TRIM4: variants seen among roughly 807,000 people sequenced by gnomAD.
TRIM4 encodes tripartite motif containing 4.
In TRIM4, 29 loss-of-function variants were observed where a neutral mutation model predicts 33.7. The ratio of observed to expected loss-of-function variants is 0.86; its 90% confidence interval spans 0.64 to 1.17. The LOEUF (loss-of-function observed/expected upper bound fraction) is 1.17, where lower values mean the gene tolerates loss of function less well. TRIM4 is among the 50% of genes most tolerant of loss of function. The pLI is 0.00. For synonymous variants in TRIM4, 224 were observed against 233.0 expected (o/e 0.96, Z 0.35); for missense variants, 554 against 593.7 (o/e 0.93, Z 0.69).
chr7:99,899,723 A>G (rs1180657915), intron 5 of TRIM4, among the ~76,000 whole-genome samples: 2 of 152,120 alleles, frequency 1.3e-5, no homozygotes, highest in African/African-American at 4.8e-5. Flanking sequence ...AACCAAAAGG[A>G]TATATATGTC....
At chr7:99,896,988 T>C (rs762238470) in intron 5 of TRIM4, among the ~76,000 whole-genome samples, 1 of 152,204 alleles carries the variant, frequency 6.6e-6, no homozygotes, top group Admixed American at 6.5e-5. Context: ...TAGGGAGATA[T>C]TAGCTCAGGC....
rs2151641719 is a variant in TRIM4 at position 99,896,043 on chromosome 7, T to G, written c.842-3297A>C. On this transcript the variant is annotated intron_variant, in intron 5 of 5. Transcript: ENST00000349062. The stretch of plus-strand genomic sequence containing the variant: ...GTGATTATTAGTATGATTAGATTTG[T>G]GTCTATTATTTTGCTGTTTTCTATT... 3.3e-5 allele frequency among the ~76,000 whole-genome samples: 5 copies of G among 152,280 alleles called. No individual in the cohort carries two copies. The Middle Eastern group carries it at 0.017, about 518-fold the overall frequency.
chr7:99,893,661 T>C (rs1421500417), intron 5 of TRIM4, among the ~76,000 whole-genome samples: 1 of 152,192 alleles, frequency 6.6e-6, no homozygotes, highest in Non-Finnish European at 1.5e-5. Flanking sequence ...AAATCTTTAT[T>C]TTCGACTCTT....
intron 1 of TRIM4, among the ~76,000 whole-genome samples, chr7:99,918,524 C>T (rs1819611913): frequency 6.6e-6 from 1 of 151,004 alleles, no homozygotes; most frequent in Non-Finnish European, 1.5e-5. Flanking sequence ...AAGATCACGC[C>T]ACTGTGCTCC....
At position 99,892,546 on chromosome 7, in the gene TRIM4, C is replaced by G; in HGVS notation, c.1042G>C (p.Val348Leu). 6.2e-7 allele frequency: 1 copy of G among 1,614,180 alleles called. No individual in the cohort carries two copies. The highest frequency in any genetic ancestry group is 8.5e-7 in the Non-Finnish European group (1 of 1,180,028). The change falls in exon 6 of 6, where the codon GTT becomes CTT. Residue 348 changes from valine to leucine, a missense_variant. Physicochemically the swap from Val to Leu is conservative, Grantham distance 32 (BLOSUM62 1). Coordinates refer to ENST00000349062, the MANE Select transcript of TRIM4 (RefSeq NM_033091.3). The part of the protein sequence containing the change: ...QHLPCVLGKN[V>L]FTSGKHYWEV... Reference sequence around the variant, plus strand: ...CAGTAATGTTTCCCTGAGGTGAAAACGTTTTTTCCCAGAACACAGGGTAAG... The same window carrying G: ...CAGTAATGTTTCCCTGAGGTGAAAAGGTTTTTTCCCAGAACACAGGGTAAG...
intron 1 of TRIM4, 117 bp downstream of exon 1, chr7:99,918,892 G>T: frequency 7.8e-7 from 1 of 1,280,326 alleles, no homozygotes; most frequent in Non-Finnish European, 1.0e-6. Flanking sequence ...AGTTTCAGGG[G>T]CTTTTCATGC....
intron 1 of TRIM4, among the ~76,000 whole-genome samples, chr7:99,911,685 A>G (rs1819445304): frequency 6.6e-6 from 1 of 152,246 alleles, no homozygotes; most frequent in African/African-American, 2.4e-5. Flanking sequence ...TGGAACTCTT[A>G]CACAACATTA....
intron 1 of TRIM4, among the ~76,000 whole-genome samples, chr7:99,916,219 A>C (rs1819552392): frequency 6.6e-6 from 1 of 151,934 alleles, no homozygotes; most frequent in Non-Finnish European, 1.5e-5. Flanking sequence ...TTTCCCTTCC[A>C]TTTATCTGAT....
At chr7:99,916,844 TGAAAGA>T in intron 1 of TRIM4, 1 of 765,278 alleles carries the variant, frequency 1.3e-6, no homozygotes, top group Non-Finnish European at 2.4e-6. Flanking sequence ...CCCCACTGCC[TGAAAGA>T]GAAAGTTCAA....
chr7:99,912,831 C>T (rs1283454854), intron 1 of TRIM4, among the ~76,000 whole-genome samples: 2 of 152,262 alleles, frequency 1.3e-5, no homozygotes, highest in African/African-American at 2.4e-5. Context: ...TCATACAGTT[C>T]TGTTAAATGG....
At chr7:99,911,196 C>G (rs1399057307) in intron 1 of TRIM4, among the ~76,000 whole-genome samples, 1 of 152,052 alleles carries the variant, frequency 6.6e-6, no homozygotes, top group Admixed American at 6.6e-5. Flanking sequence ...CTTGGGTGAG[C>G]GTAAAATCAC....
intron 2 of TRIM4, 62 bp from the exon 3 acceptor site, chr7:99,908,874 A>C: frequency 6.8e-7 from 1 of 1,469,946 alleles, no homozygotes. Context: ...TAAATTCCTT[A>C]CACAATTCCC....
chr7:99,903,521 A>C, intron 4 of TRIM4, 55 bp downstream of exon 4: 1 of 1,610,040 alleles, frequency 6.2e-7, no homozygotes. Flanking sequence ...CCCTCTGCTC[A>C]GCCTGTATCT....
chr7:99,907,627 T>C (rs756369331), intron 3 of TRIM4, among the ~76,000 whole-genome samples: 35 of 152,228 alleles, frequency 2.3e-4, no homozygotes, highest in Non-Finnish European at 4.8e-4. Context: ...TGTAAAACTT[T>C]TACATAATTC....
chr7:99,909,729 G>GTTTTTT (rs58242927), intron 1 of TRIM4, 69 bp from the exon 2 acceptor site: 21 of 725,134 alleles, frequency 2.9e-5, no homozygotes, highest in South Asian at 1.0e-4. Flanking sequence ...TTTTCTTTTT[G>GTTTTTT]TTTTTTTTTT....
rs1819636974 is a variant in TRIM4 at position 99,919,302 on chromosome 7, C to T, written c.100G>A (p.Gly34Ser). Residue 34 changes from glycine (G) to serine (S), a missense_variant, in exon 1 of 6, where the codon GGC becomes AGC. By Grantham distance (56) the Gly-to-Ser change is moderately conservative. Transcript: ENST00000349062. ...GGCGCCCAGTTGCGGTGCAGGCAGCCGCGGCAGAAGTTGTGGCCGCACTCG... is the reference window on the plus strand; with the variant it reads ...GGCGCCCAGTTGCGGTGCAGGCAGCTGCGGCAGAAGTTGTGGCCGCACTCG... The part of the protein sequence containing the change: ...SIECGHNFCR[G>S]CLHRNWAPGG... 1.3e-6 allele frequency: 2 copies of T among 1,556,884 alleles called. No individual in the cohort carries two copies. Among genetic ancestry groups the T allele is most frequent in the Non-Finnish European group, 1.7e-6 (2 of 1,151,964 alleles).
intron 3 of TRIM4, among the ~76,000 whole-genome samples, chr7:99,905,312 A>G (rs895215847): frequency 6.6e-6 from 1 of 152,202 alleles, no homozygotes; most frequent in African/African-American, 2.4e-5. Flanking sequence ...GTTTGGAATC[A>G]TCTACTAAAG....
intron 5 of TRIM4, among the ~76,000 whole-genome samples, chr7:99,898,760 T>C (rs1340458520): frequency 6.6e-6 from 1 of 152,216 alleles, no homozygotes; most frequent in Non-Finnish European, 1.5e-5. Context: ...TCTTAACTGC[T>C]GCCCTGGGTG....
intron 5 of TRIM4, among the ~76,000 whole-genome samples, chr7:99,899,640 A>C (rs1323586895): frequency 6.6e-6 from 1 of 152,168 alleles, no homozygotes. Flanking sequence ...TTTTACTTTT[A>C]AATATAAGTT....
Sources: gnomAD v4.1 joint callset for allele counts (sites outside exome capture counted in the v4.1 genomes callset) on GRCh38, gnomAD v4.1.1 for gene constraint, MANE v1.5 for transcripts, NCBI Gene and HGNC (gene_info 2026-07-23, HGNC 2026-07-21) for gene names.